RIMS2: variants seen among roughly 807,000 people sequenced by gnomAD.
RIMS2 encodes the protein regulating synaptic membrane exocytosis 2.
A neutral mutation model predicts 174.4 loss-of-function variants in RIMS2; 59 were observed. The observed-to-expected ratio is 0.34, with a 90% CI of 0.27 to 0.42. The LOEUF is 0.42. Among genes scored for constraint, RIMS2 ranks in the 10% least tolerant of loss-of-function variants. The pLI, the probability that RIMS2 is intolerant of heterozygous loss-of-function variation, is 1.00. For synonymous variants in RIMS2, 606 were observed against 572.5 expected, an observed-to-expected ratio of 1.06 and a Z score of -0.84; for missense variants, 1,620 against 1,666.3, an observed-to-expected ratio of 0.97 and a Z score of 0.48.
chr8:103,652,227 CA>C (rs1386397258), intron 1 of RIMS2: 2 of 1,348,556 alleles, frequency 1.5e-6, no homozygotes, highest in Non-Finnish European at 2.0e-6. Context: ...ACACAAACCA[CA>C]ACTGACACAG....
chr8:104,138,584 T>A (rs527237780), intron 19 of RIMS2, among the ~76,000 whole-genome samples: 98 of 152,292 alleles, frequency 6.4e-4, no homozygotes, highest in Admixed American at 1.8e-3. Flanking sequence ...TTTGATAAAT[T>A]TCTATTTAGA....
At chr8:103,722,595 G>A (rs978610534) in intron 2 of RIMS2, among the ~76,000 whole-genome samples, 1 of 152,168 alleles carries the variant, frequency 6.6e-6, no homozygotes, top group Admixed American at 6.5e-5. Context: ...AGATGGTAAT[G>A]CAAGGCGGGG....
At chr8:103,801,290 A>G (rs61556831) in intron 3 of RIMS2, among the ~76,000 whole-genome samples, 18,894 of 152,200 alleles carry the variant, frequency 0.12, 1,275 homozygotes, top group Middle Eastern at 0.22. Context: ...CCCAGCCAGC[A>G]ATGTCTTTAA....
chr8:103,574,163 T>C (rs770960202), intron 1 of RIMS2, among the ~76,000 whole-genome samples: 1 of 152,158 alleles, frequency 6.6e-6, no homozygotes, highest in Non-Finnish European at 1.5e-5. Flanking sequence ...ACTTATATTA[T>C]AATCTGCTTA....
intron 19 of RIMS2, among the ~76,000 whole-genome samples, chr8:104,167,889 G>C (rs922240934): frequency 1.3e-4 from 20 of 152,080 alleles, no homozygotes; most frequent in African/African-American, 4.8e-4. Context: ...TATGTGGCTT[G>C]CCAGTTTTTC....
chr8:104,246,250 G>A (rs2099329623), intron 20 of RIMS2, among the ~76,000 whole-genome samples: 1 of 152,118 alleles, frequency 6.6e-6, no homozygotes, highest in Non-Finnish European at 1.5e-5. Context: ...TAGGAGGGAG[G>A]GAGTAAATCT....
intron 2 of RIMS2, among the ~76,000 whole-genome samples, chr8:103,752,032 G>A (rs370005347): frequency 9.2e-5 from 14 of 152,096 alleles, no homozygotes; most frequent in Admixed American, 2.0e-4. Context: ...GCCCATGCCT[G>A]TGTCCTGAAT....
chr8:103,756,387 TTTG>T (rs1182289820), intron 2 of RIMS2, among the ~76,000 whole-genome samples: 1 of 129,372 alleles, frequency 7.7e-6, no homozygotes, highest in African/African-American at 2.9e-5. Flanking sequence ...TGTTGTTGTT[TTTG>T]TTTTTTTTTT....
chr8:103,810,727 C>G (rs1380850195), intron 3 of RIMS2, among the ~76,000 whole-genome samples: 1 of 151,964 alleles, frequency 6.6e-6, no homozygotes, highest in Non-Finnish European at 1.5e-5. Flanking sequence ...TTTCTGACAG[C>G]CAATGTCAAA....
chr8:103,910,505 C>T (rs200020449), intron 5 of RIMS2: 34 of 1,594,716 alleles, frequency 2.1e-5, no homozygotes, highest in Admixed American at 3.3e-5. Context: ...CAACCCTTAA[C>T]GAGGAGCATA....
intron 3 of RIMS2, among the ~76,000 whole-genome samples, chr8:103,870,139 T>G (rs2099103620): frequency 6.6e-6 from 1 of 151,532 alleles, no homozygotes; most frequent in South Asian, 2.1e-4. Context: ...ACAGCTGTTT[T>G]TTTTTTTTTT....
At chr8:103,828,672 T>G (rs114385794) in intron 3 of RIMS2, among the ~76,000 whole-genome samples, 1,544 of 151,322 alleles carry the variant, frequency 0.01, 29 homozygotes, top group African/African-American at 0.035. Context: ...AGAATGGTAT[T>G]TCCTATTTTT....
At chr8:104,234,759 A>G (rs1470682237) in intron 19 of RIMS2, among the ~76,000 whole-genome samples, 3 of 152,184 alleles carry the variant, frequency 2.0e-5, no homozygotes, top group Non-Finnish European at 2.9e-5. Context: ...ATTAACAATT[A>G]CAGGAACCCA....
At chr8:103,915,764 A>C (rs915938213) in intron 7 of RIMS2, among the ~76,000 whole-genome samples, 170 bp downstream of exon 10, 1 of 152,036 alleles carries the variant, frequency 6.6e-6, no homozygotes, top group Non-Finnish European at 1.5e-5. Context: ...GAGTCATAGT[A>C]GATAAAAATC....
chr8:103,806,274 A>G (rs1045155032), intron 3 of RIMS2, among the ~76,000 whole-genome samples: 1 of 152,194 alleles, frequency 6.6e-6, no homozygotes, highest in Admixed American at 6.6e-5. Context: ...TTTATCTTCA[A>G]GGCTGAAGGC....
At chr8:104,173,596 C>T (rs1480152301) in intron 19 of RIMS2, among the ~76,000 whole-genome samples, 1 of 131,566 alleles carries the variant, frequency 7.6e-6, no homozygotes, top group African/African-American at 2.8e-5. Context: ...AAAATATTTA[C>T]TACCTTAGCT....
chr8:103,554,076 A>G (rs1213129479), intron 1 of RIMS2, among the ~76,000 whole-genome samples: 1 of 152,192 alleles, frequency 6.6e-6, no homozygotes, highest in Non-Finnish European at 1.5e-5. Flanking sequence ...CTTAAATGTA[A>G]AACCTGAAAC....
intron 16 of RIMS2, among the ~76,000 whole-genome samples, chr8:103,980,410 C>T (rs184127332): frequency 6.9e-4 from 105 of 152,280 alleles, no homozygotes; most frequent in African/African-American, 2.4e-3. Flanking sequence ...CCCCTGGGCG[C>T]TGAATAACCA....
At chr8:103,764,967 T>G (rs1450212714) in intron 2 of RIMS2, among the ~76,000 whole-genome samples, 2 of 152,160 alleles carry the variant, frequency 1.3e-5, no homozygotes, top group Non-Finnish European at 2.9e-5. Context: ...TGTTGTGTGA[T>G]AAGATCTGTA....
Sources: gnomAD v4.1 joint callset for allele counts (sites outside exome capture counted in the v4.1 genomes callset) on GRCh38, gnomAD v4.1.1 for gene constraint, MANE v1.5 for transcripts, NCBI Gene and HGNC (gene_info 2026-07-23, HGNC 2026-07-21) for gene names.